CCDC3: variants seen among roughly 807,000 people sequenced by gnomAD.
The protein encoded by CCDC3 is coiled-coil domain containing 3, also known as coiled-coil domain-containing protein 3.
Under a neutral mutation model 21.4 loss-of-function variants are expected in CCDC3, and 24 were observed. The observed-to-expected ratio is 1.12, with a 90% confidence interval of 0.81 to 1.58. The LOEUF is 1.58. Ranked by LOEUF, CCDC3 falls within the 40% of genes most tolerant of loss-of-function variation. The pLI is 0.00. For missense variants in CCDC3, 425 were observed against 360.9 expected (o/e 1.18, Z -1.44); for synonymous variants, 186 against 166.0 (o/e 1.12, Z -0.93).
In CCDC3 at chr10:12,998,319, G is replaced by T. The variant is rs373772796; in HGVS notation, c.549+19C>A. On this transcript the variant is annotated intron_variant, in intron 2 of 2. Coordinates refer to ENST00000378825, the MANE Select transcript of CCDC3 (RefSeq NM_031455.4). ...TATACTATTGTTTTGCTGTGGCACA[G>T]GATTTAGCCAATTCTTACCCTACTG... The T allele has an allele frequency of 1.9e-6, 3 of 1,610,772 alleles. No homozygotes were observed. In the African/African-American group the frequency reaches 4.0e-5, roughly 22 times the overall value.
At chr10:13,069,379 T>C (rs756277991) in intron 4 of CCDC3, among the ~76,000 whole-genome samples, 1 of 152,264 alleles carries the variant, frequency 6.6e-6, no homozygotes, top group Non-Finnish European at 1.5e-5. Context: ...AACAAGGTAC[T>C]CTTAAGGCAT....
chr10:12,925,002 C>G (rs974866502), intron 2 of CCDC3, among the ~76,000 whole-genome samples: 1 of 152,184 alleles, frequency 6.6e-6, no homozygotes, highest in African/African-American at 2.4e-5. Flanking sequence ...ACACCAAGCA[C>G]AGGTGGGGAC....
intron 3 of CCDC3, among the ~76,000 whole-genome samples, chr10:13,081,958 T>C (rs1002539901): frequency 1.3e-5 from 2 of 152,198 alleles, no homozygotes; most frequent in African/African-American, 4.8e-5. Context: ...CAGTGAACTG[T>C]GCCAAACTCT....
intron 3 of CCDC3, among the ~76,000 whole-genome samples, chr10:13,084,617 G>T (rs1017271088): frequency 1.3e-5 from 2 of 152,130 alleles, no homozygotes; most frequent in Non-Finnish European, 2.9e-5. Flanking sequence ...ACTTGCTTTT[G>T]CTTTGCACTG....
intron 2 of CCDC3, among the ~76,000 whole-genome samples, chr10:12,994,508 T>A (rs1002796804): frequency 6.6e-6 from 1 of 151,888 alleles, no homozygotes; most frequent in East Asian, 1.9e-4. Context: ...GATCGGCACA[T>A]AATACAAGAA....
At chr10:12,994,291 G>C (rs1276219823) in intron 2 of CCDC3, among the ~76,000 whole-genome samples, 1 of 152,012 alleles carries the variant, frequency 6.6e-6, no homozygotes, top group Non-Finnish European at 1.5e-5. Flanking sequence ...CCAGCTACTT[G>C]GGAGGCTGAG....
intron 5 of CCDC3, among the ~76,000 whole-genome samples, chr10:13,029,869 T>C (rs1836276335): frequency 6.6e-6 from 1 of 152,158 alleles, no homozygotes; most frequent in South Asian, 2.1e-4. Flanking sequence ...GTCTGATTGG[T>C]ATACCTGAAA....
In CCDC3 at chr10:13,049,307, C is replaced by CT. The variant is rs901667867; in HGVS notation, c.-2+366dup. The stretch of plus-strand genomic sequence containing the variant: ...CTGGGGGGAAAAAGCCTGTAGAGCA[C>CT]TTTTTTTTCTTGAAATACAAGAATC... On this transcript the variant is annotated intron_variant, in intron 5 of 6. Transcript: ENST00000378839. 2.9e-4 allele frequency among the ~76,000 whole-genome samples: 44 copies of CT among 152,082 alleles called. 1 individual carries two copies. In the Middle Eastern group the frequency reaches 0.01, roughly 35 times the overall value.
At chr10:13,028,780 T>C (rs1836260148) in intron 5 of CCDC3, among the ~76,000 whole-genome samples, 1 of 152,136 alleles carries the variant, frequency 6.6e-6, no homozygotes, top group African/African-American at 2.4e-5. Flanking sequence ...TAGTGGCACA[T>C]GCAAAGGGTT....
intron 3 of CCDC3, among the ~76,000 whole-genome samples, chr10:13,083,733 G>C (rs939465617): frequency 3.9e-5 from 6 of 152,182 alleles, no homozygotes; most frequent in African/African-American, 1.4e-4. Context: ...TACCTATTTA[G>C]AGAAGTTTTA....
intron 3 of CCDC3, among the ~76,000 whole-genome samples, chr10:13,087,232 C>T (rs1837122205): frequency 1.3e-5 from 2 of 152,028 alleles, no homozygotes; most frequent in Non-Finnish European, 2.9e-5. Flanking sequence ...TGGAGAAACC[C>T]AGTCTCTACT....
intron 4 of CCDC3, among the ~76,000 whole-genome samples, chr10:13,052,573 C>T (rs968306584): frequency 6.6e-6 from 1 of 152,154 alleles, no homozygotes; most frequent in African/African-American, 2.4e-5. Context: ...GCACCTATCG[C>T]TAACGATACT....
At chr10:13,030,733 CA>C (rs1339691489) in intron 5 of CCDC3, among the ~76,000 whole-genome samples, 1 of 151,950 alleles carries the variant, frequency 6.6e-6, no homozygotes, top group Non-Finnish European at 1.5e-5. Flanking sequence ...CAACAAAGAT[CA>C]AAAGAAACAA....
rs187657132 is a variant in CCDC3, at chr10:13,069,148, G to A, written c.-270+4720C>T. On this transcript the variant is annotated intron_variant, in intron 4 of 6. Transcript: ENST00000378839. ...CACATGCCTGTAATCCCAGCTACTC[G>A]GGAGGCTGAGGCAGGAGAAGCACTT... 7.8e-3 allele frequency among the ~76,000 whole-genome samples: 1,192 copies of A among 152,320 alleles called. 22 individuals carry two copies. The highest frequency in any genetic ancestry group is 0.027 in the African/African-American group (1,142 of 41,564).
At chr10:12,943,275 C>A (rs1369295650) in intron 2 of CCDC3, among the ~76,000 whole-genome samples, 1 of 144,834 alleles carries the variant, frequency 6.9e-6, no homozygotes, top group Admixed American at 6.8e-5. Flanking sequence ...ATTCTAAGCA[C>A]CCCCCCGCAA....
At chr10:13,096,011 C>CATATGTAG (rs1488133166) in intron 3 of CCDC3, among the ~76,000 whole-genome samples, 20 of 152,270 alleles carry the variant, frequency 1.3e-4, no homozygotes, top group African/African-American at 4.8e-4. Flanking sequence ...GGAGTCATAG[C>CATATGTAG]ATATGTAGTC....
chr10:12,943,767 C>T (rs10795997), intron 2 of CCDC3, among the ~76,000 whole-genome samples: 49,581 of 152,060 alleles, frequency 0.33, 8,438 homozygotes, highest in Middle Eastern at 0.46. Flanking sequence ...CTGTGCATTT[C>T]GCCACAGATG....
intron 4 of CCDC3, among the ~76,000 whole-genome samples, chr10:13,073,017 C>CCA (rs1270627066): frequency 3.3e-5 from 5 of 151,934 alleles, no homozygotes; most frequent in African/African-American, 1.2e-4. Flanking sequence ...CAGGCATGTG[C>CCA]CACCACGCCT....
intron 2 of CCDC3, among the ~76,000 whole-genome samples, chr10:12,931,935 AAC>A (rs1024398023): frequency 6.6e-5 from 10 of 152,318 alleles, no homozygotes; most frequent in African/African-American, 1.9e-4. Flanking sequence ...ATATATAAAA[AAC>A]AGTTTTATGT....
Sources: gnomAD v4.1 joint callset for allele counts (sites outside exome capture counted in the v4.1 genomes callset) on GRCh38, gnomAD v4.1.1 for gene constraint, MANE v1.5 for transcripts, NCBI Gene and HGNC (gene_info 2026-07-23, HGNC 2026-07-21) for gene names.